Variants in HPS3 observed in about 807,000 individuals in gnomAD.
HPS3 encodes BLOC-2 complex member HPS3.
A neutral mutation model predicts 110.9 loss-of-function variants in HPS3; 79 were observed. That is an observed-to-expected ratio of 0.71 (90% CI 0.59 to 0.86). The LOEUF is 0.86. Ranked by LOEUF, HPS3 falls within the 40% of genes least tolerant of loss-of-function variation. HPS3 has a pLI of 0.00. For synonymous variants in HPS3, 428 were observed against 451.0 expected, an observed-to-expected ratio of 0.95 and a Z score of 0.65; for missense variants, 1,197 against 1,206.2, an observed-to-expected ratio of 0.99 and a Z score of 0.11.
intron 16 of HPS3, among the ~76,000 whole-genome samples, chr3:149,170,104 G>C (rs1464712121): frequency 2.0e-5 from 3 of 152,200 alleles, no homozygotes; most frequent in Middle Eastern, 3.4e-3. Context: ...AACCTCAAAG[G>C]ATTCTAGAAG....
intron 4 of HPS3, among the ~76,000 whole-genome samples, chr3:149,143,352 AT>A (rs1722599793): frequency 6.6e-6 from 1 of 152,156 alleles, no homozygotes; most frequent in Non-Finnish European, 1.5e-5. Context: ...TGACTGGTGC[AT>A]TTAAGTCATT....
intron 13 of HPS3, 75 bp downstream of exon 13, chr3:149,162,953 CTT>C: frequency 3.3e-6 from 4 of 1,224,276 alleles, no homozygotes; most frequent in Non-Finnish European, 4.8e-6. Flanking sequence ...TTTTTAATAA[CTT>C]ATTATAAAAT....
intron 6 of HPS3, among the ~76,000 whole-genome samples, chr3:149,151,604 AAAAAAAAAAAAAG>A (rs1283000018): frequency 5.4e-4 from 79 of 147,350 alleles, no homozygotes; most frequent in African/African-American, 1.8e-3. Flanking sequence ...AAAAAAAAAA[AAAAAAAAAAAAAG>A]CCTCTTGACC....
chr3:149,159,356 A>G (rs1373557410), intron 10 of HPS3, among the ~76,000 whole-genome samples: 1 of 152,182 alleles, frequency 6.6e-6, no homozygotes, highest in Non-Finnish European at 1.5e-5. Flanking sequence ...TGAAGCCAGA[A>G]GTTTGAGACC....
chr3:149,150,160 G>T (rs1321998371), intron 5 of HPS3, among the ~76,000 whole-genome samples: 1 of 152,214 alleles, frequency 6.6e-6, no homozygotes, highest in Admixed American at 6.5e-5. Flanking sequence ...ATTTCATCAT[G>T]AGGTGGTTGA....
At chr3:149,163,616 A>C (rs1724110581) in intron 13 of HPS3, among the ~76,000 whole-genome samples, 1 of 152,178 alleles carries the variant, frequency 6.6e-6, no homozygotes, top group African/African-American at 2.4e-5. Flanking sequence ...GCCTCTTTGG[A>C]GTATTTACAT....
intron 8 of HPS3, among the ~76,000 whole-genome samples, chr3:149,155,935 A>G (rs1227879416): frequency 2.0e-5 from 3 of 152,118 alleles, no homozygotes; most frequent in Non-Finnish European, 4.4e-5. Context: ...TTTGGAAGCT[A>G]AGATGGGAAG....
rs760922581 is a variant in HPS3, at chr3:149,153,485, C to T, written c.1246-9C>T. The T allele has an allele frequency of 9.3e-6, 15 of 1,612,120 alleles. No individual in the cohort carries two copies. The South Asian group carries it at 1.6e-4, about 18-fold the overall frequency. ...TTTCTTGCTTAAATATGTGATTTTC[C>T]TTTACTAGGCTTGCCCACCTGTCAG... On this transcript the variant is annotated splice_polypyrimidine_tract_variant and intron_variant, in intron 6 of 16. Coordinates refer to ENST00000296051, the MANE Select transcript of HPS3 (RefSeq NM_032383.5).
intron 16 of HPS3, among the ~76,000 whole-genome samples, chr3:149,169,538 G>T (rs1187728317): frequency 1.3e-5 from 2 of 152,234 alleles, no homozygotes; most frequent in Non-Finnish European, 2.9e-5. Flanking sequence ...AATTGTCCGT[G>T]TGCGTGGGGG....
chr3:149,171,754 G>T (rs1230888685), intron 16 of HPS3, among the ~76,000 whole-genome samples: 1 of 143,080 alleles, frequency 7.0e-6, no homozygotes, highest in South Asian at 2.2e-4. Context: ...ACCTAGGCTG[G>T]AGTGCAGTGG....
intron 14 of HPS3, among the ~76,000 whole-genome samples, chr3:149,165,518 G>A (rs1217001440): frequency 6.6e-6 from 1 of 150,976 alleles, no homozygotes; most frequent in Non-Finnish European, 1.5e-5. Context: ...TCACTCTATT[G>A]CCCAGATTGG....
chr3:149,145,267 A>G (rs748957888), intron 4 of HPS3, 87 bp from the exon 5 acceptor site: 3 of 1,013,552 alleles, frequency 3.0e-6, no homozygotes, highest in Non-Finnish European at 4.6e-6. Flanking sequence ...CCACTGATAC[A>G]GTTTGCATAG....
intron 6 of HPS3, among the ~76,000 whole-genome samples, chr3:149,151,438 A>G (rs2108148870): frequency 6.6e-6 from 1 of 152,092 alleles, no homozygotes; most frequent in African/African-American, 2.4e-5. Context: ...AATACGATGC[A>G]TTAAAATGAT....
intron 16 of HPS3, 86 bp downstream of exon 16, chr3:149,168,069 TC>T: frequency 1.2e-6 from 1 of 807,492 alleles, no homozygotes; most frequent in Non-Finnish European, 2.2e-6. Context: ...TTCATGTGAT[TC>T]TCAAGTGAAA....
At chr3:149,133,446 G>A (rs11719396) in intron 1 of HPS3, among the ~76,000 whole-genome samples, 11,137 of 152,078 alleles carry the variant, frequency 0.073, 528 homozygotes, top group South Asian at 0.14. Flanking sequence ...TTACAGGCAT[G>A]CGCTACCACT....
At chr3:149,156,202 G>A (rs1047226243) in intron 8 of HPS3, among the ~76,000 whole-genome samples, 3 of 152,268 alleles carry the variant, frequency 2.0e-5, no homozygotes, top group Admixed American at 1.3e-4. Flanking sequence ...TCTTCGGGAG[G>A]TAAACTGCAT....
At chr3:149,166,868 A>T (rs940128567) in intron 14 of HPS3, among the ~76,000 whole-genome samples, 166 bp from the exon 15 acceptor site, 5 of 152,248 alleles carry the variant, frequency 3.3e-5, no homozygotes, top group Admixed American at 2.0e-4. Context: ...AGATTATATT[A>T]TACTTAGATT....
At chr3:149,148,644 A>C (rs972502325) in intron 5 of HPS3, among the ~76,000 whole-genome samples, 1 of 151,796 alleles carries the variant, frequency 6.6e-6, no homozygotes, top group Admixed American at 6.6e-5. Flanking sequence ...ACCTCAGGCA[A>C]TTCGCCCACC....
intron 1 of HPS3, among the ~76,000 whole-genome samples, chr3:149,136,780 C>T (rs959326703): frequency 6.6e-6 from 1 of 152,128 alleles, no homozygotes. Flanking sequence ...GCACACAATA[C>T]AACATGGACA....
Sources: gnomAD v4.1 joint callset for allele counts (sites outside exome capture counted in the v4.1 genomes callset) on GRCh38, gnomAD v4.1.1 for gene constraint, MANE v1.5 for transcripts, NCBI Gene and HGNC (gene_info 2026-07-23, HGNC 2026-07-21) for gene names.